The following GPM6A variants were observed in gnomAD, a reference collection of about 807,000 sequenced individuals.
The protein encoded by GPM6A is glycoprotein M6A.
GPM6A carries 7 observed loss-of-function variants against 32.1 expected under a neutral mutation model. The ratio of observed to expected loss-of-function variants is 0.22; its 90% CI spans 0.12 to 0.41. The LOEUF (loss-of-function observed/expected upper bound fraction) is 0.41, where lower values mean the gene tolerates loss of function less well. Ranked by LOEUF, GPM6A falls within the 10% of genes least tolerant of loss-of-function variation. The probability of loss-of-function intolerance (pLI) is 1.00; values close to 1 mark genes in which losing one functional copy is unlikely to be tolerated. For missense variants in GPM6A, 235 were observed against 347.2 expected (o/e 0.68, Z 2.57); for synonymous variants, 130 against 123.4 (o/e 1.05, Z -0.35).
intron 1 of GPM6A, among the ~76,000 whole-genome samples, chr4:175,931,545 A>C (rs1739037935): frequency 6.6e-6 from 1 of 152,092 alleles, no homozygotes; most frequent in Non-Finnish European, 1.5e-5. Flanking sequence ...AGAAATAAAA[A>C]AACTGTCAAT....
intron 1 of GPM6A, among the ~76,000 whole-genome samples, chr4:175,976,929 G>A (rs1740681773): frequency 6.6e-6 from 1 of 152,164 alleles, no homozygotes; most frequent in African/African-American, 2.4e-5. Flanking sequence ...AGACAACCCT[G>A]CATTCCATAA....
At chr4:175,995,049 TC>T (rs1235988936) in intron 1 of GPM6A, among the ~76,000 whole-genome samples, 1 of 152,182 alleles carries the variant, frequency 6.6e-6, no homozygotes, top group Non-Finnish European at 1.5e-5. Flanking sequence ...ATCTTCAGGC[TC>T]CACTTCTAAT....
intron 1 of GPM6A, among the ~76,000 whole-genome samples, chr4:175,789,094 A>G (rs1330875375): frequency 1.3e-5 from 2 of 152,186 alleles, no homozygotes; most frequent in Non-Finnish European, 2.9e-5. Flanking sequence ...GCAGGGTTTT[A>G]GGCCCAGTTC....
chr4:175,822,854 T>C (rs1293484541), intron 1 of GPM6A, among the ~76,000 whole-genome samples: 1 of 152,098 alleles, frequency 6.6e-6, no homozygotes, highest in Non-Finnish European at 1.5e-5. Flanking sequence ...CAGGCCCCGG[T>C]GTGTGATGTT....
intron 1 of GPM6A, among the ~76,000 whole-genome samples, chr4:175,859,333 T>G (rs1736505672): frequency 6.6e-6 from 1 of 152,146 alleles, no homozygotes; most frequent in East Asian, 1.9e-4. Flanking sequence ...TGCAAAAACT[T>G]CAGAGGCTGG....
intron 1 of GPM6A, among the ~76,000 whole-genome samples, chr4:175,928,473 C>G (rs545417042): frequency 3.9e-4 from 60 of 152,276 alleles, no homozygotes; most frequent in African/African-American, 1.4e-3. Flanking sequence ...GCTTATAAGA[C>G]TGCAACATTA....
chr4:176,001,702 G>A (rs1741487700), intron 1 of GPM6A, among the ~76,000 whole-genome samples: 1 of 152,158 alleles, frequency 6.6e-6, no homozygotes, highest in Admixed American at 6.5e-5. Flanking sequence ...GGAAGAATCA[G>A]CCTTCAGCCT....
At chr4:175,870,675 T>C (rs1409764131) in intron 1 of GPM6A, among the ~76,000 whole-genome samples, 2 of 152,276 alleles carry the variant, frequency 1.3e-5, no homozygotes, top group South Asian at 2.1e-4. Context: ...ACACCCTATG[T>C]CATGGTGAAA....
intron 1 of GPM6A, among the ~76,000 whole-genome samples, chr4:175,775,236 C>T (rs186784269): frequency 1.3e-5 from 2 of 152,120 alleles, no homozygotes; most frequent in East Asian, 3.9e-4. Flanking sequence ...CAATTTTAAC[C>T]TAATAAAATT....
chr4:175,644,793 A>G (rs531419953), intron 4 of GPM6A, among the ~76,000 whole-genome samples: 14 of 152,282 alleles, frequency 9.2e-5, no homozygotes, highest in Admixed American at 2.0e-4. Flanking sequence ...CTTCAAAGCA[A>G]TTAGGAGAAA....
At chr4:175,652,039 G>T in intron 3 of GPM6A, 52 bp from the exon 4 acceptor site, 2 of 1,454,540 alleles carry the variant, frequency 1.4e-6, no homozygotes, top group Middle Eastern at 1.8e-4. Flanking sequence ...CAAAAAAGAA[G>T]AATTTTGTGT....
At position 175,760,736 on chromosome 4, in the gene GPM6A, TAGAG is replaced by T. The variant is rs145004954; in HGVS notation, c.37+51451_37+51454del. Among the ~76,000 whole-genome samples, 5 of 148,690 alleles carry T rather than the reference TAGAG, an allele frequency of 3.4e-5. No individual in the cohort carries two copies. The East Asian group carries it at 7.9e-4, about 23-fold the overall frequency. On this transcript the variant is annotated intron_variant, in intron 1 of 6. Transcript: ENST00000393658. ...TATTCAGTCATTAAATGGATGCAGG[TAGAG>T]AGAGAGAGAGAGAAATAGATACAGA...
At chr4:175,681,845 T>C (rs1743706237) in intron 2 of GPM6A, among the ~76,000 whole-genome samples, 1 of 152,172 alleles carries the variant, frequency 6.6e-6, no homozygotes, top group African/African-American at 2.4e-5. Flanking sequence ...TTCTTTATAG[T>C]AATGCAAGAA....
chr4:175,784,845 A>G (rs1733737577), intron 1 of GPM6A, among the ~76,000 whole-genome samples: 2 of 152,174 alleles, frequency 1.3e-5, no homozygotes, highest in Admixed American at 6.5e-5. Flanking sequence ...TCTAAGTACT[A>G]GTACTGGCCA....
chr4:175,996,836 C>CAATTA (rs1561028078), intron 1 of GPM6A, among the ~76,000 whole-genome samples: 79 of 152,114 alleles, frequency 5.2e-4, no homozygotes, highest in Non-Finnish European at 9.3e-4. Flanking sequence ...ATCAATTAGT[C>CAATTA]GGCTACCCTC....
At chr4:175,858,334 C>T (rs901495492) in intron 1 of GPM6A, among the ~76,000 whole-genome samples, 1 of 152,060 alleles carries the variant, frequency 6.6e-6, no homozygotes, top group African/African-American at 2.4e-5. Context: ...GAGTTTGACA[C>T]CAGCTTGGCC....
intron 1 of GPM6A, chr4:175,787,241 T>C: frequency 2.7e-6 from 2 of 731,260 alleles, no homozygotes; most frequent in Non-Finnish European, 4.7e-6. Context: ...TTTAATAATG[T>C]ATTTAATGAG....
chr4:175,707,933 A>C (rs1745297942), intron 1 of GPM6A, among the ~76,000 whole-genome samples: 1 of 152,106 alleles, frequency 6.6e-6, no homozygotes, highest in African/African-American at 2.4e-5. Context: ...TTCTAATGTA[A>C]GTGAAACTTG....
intron 1 of GPM6A, among the ~76,000 whole-genome samples, chr4:175,987,977 G>T (rs1034690941): frequency 2.6e-5 from 4 of 151,916 alleles, no homozygotes; most frequent in Admixed American, 2.6e-4. Context: ...AGAATTATTT[G>T]TTAGTTGTGA....
Sources: allele counts gnomAD v4.1 joint callset (sites outside exome capture counted in the v4.1 genomes callset), GRCh38; gene constraint gnomAD v4.1.1; transcripts MANE v1.5; gene names NCBI Gene and HGNC (gene_info 2026-07-23, HGNC 2026-07-21).